The following GPR158 variants were observed in gnomAD, a reference collection of about 807,000 sequenced individuals.
GPR158 encodes metabotropic glycine receptor.
Under a neutral mutation model 78.2 loss-of-function variants are expected in GPR158, and 30 were observed. That is an observed-to-expected ratio of 0.38 (90% CI 0.29 to 0.52). The LOEUF is 0.52. Ranked by LOEUF, GPR158 falls within the 20% of genes least tolerant of loss-of-function variation. The probability of loss-of-function intolerance (pLI) is 0.83; values close to 1 mark genes in which losing one functional copy is unlikely to be tolerated. For missense variants in GPR158, 1,463 were observed against 1,523.5 expected (o/e 0.96, Z 0.66); for synonymous variants, 581 against 591.1 (o/e 0.98, Z 0.25).
chr10:25,278,611 TATTGTAAAAA>T (rs1464235737), intron 2 of GPR158, among the ~76,000 whole-genome samples: 1 of 151,998 alleles, frequency 6.6e-6, no homozygotes, highest in Non-Finnish European at 1.5e-5. Context: ...TACTGAGATG[TATTGTAAAAA>T]ATTGTAAAAT....
At position 25,597,924 on chromosome 10, in the gene GPR158, C is replaced by T; in HGVS notation, c.2298C>T (p.Ser766=). The change falls in exon 11 of 11, where the codon AGC becomes AGT. Residue 766 remains serine (S), a synonymous_variant. Coordinates refer to ENST00000376351, the MANE Select transcript of GPR158 (RefSeq NM_020752.3). ...RRITEIPETV[S]RQCSKEDKEG... ...TTACGGAGATCCCAGAGACAGTCAG[C>T]CGGCAGTGCTCTAAAGAGGACAAGG... The T allele has an allele frequency of 6.2e-7, 1 of 1,612,310 alleles. No individual in the cohort carries two copies. Among genetic ancestry groups the T allele is most frequent in the Non-Finnish European group, 8.5e-7 (1 of 1,179,104 alleles).
intron 2 of GPR158, among the ~76,000 whole-genome samples, chr10:25,360,640 C>G (rs1057302695): frequency 2.0e-5 from 3 of 152,066 alleles, no homozygotes; most frequent in Admixed American, 2.0e-4. Context: ...GGTACCAGTA[C>G]CACGCAGTTT....
Position 25,424,204 on chromosome 10 carries a change from C to T in GPR158, c.1335+11731C>T, listed in dbSNP as rs544907254. Reference sequence around the variant, plus strand: ...TCTTTTGAGAAGTGTCTGTTCATATCCTTTGCCCACTTTTTGATGGGGTTG... The same window carrying T: ...TCTTTTGAGAAGTGTCTGTTCATATTCTTTGCCCACTTTTTGATGGGGTTG... On this transcript the variant is annotated intron_variant, in intron 4 of 10. Coordinates refer to ENST00000376351, the MANE Select transcript of GPR158 (RefSeq NM_020752.3). Among the ~76,000 whole-genome samples, 1,342 of 152,196 alleles carry T rather than the reference C, an allele frequency of 8.8e-3. 24 individuals carry two copies. Among genetic ancestry groups the T allele is most frequent in the African/African-American group, 0.03 (1,265 of 41,516 alleles).
intron 2 of GPR158, among the ~76,000 whole-genome samples, chr10:25,275,148 GT>G (rs1854167180): frequency 6.6e-6 from 1 of 152,154 alleles, no homozygotes; most frequent in Non-Finnish European, 1.5e-5. Context: ...AGAAAGTTCA[GT>G]TCTGCAGGCA....
chr10:25,467,809 A>G (rs755855031), intron 5 of GPR158, among the ~76,000 whole-genome samples: 1 of 152,108 alleles, frequency 6.6e-6, no homozygotes, highest in Admixed American at 6.6e-5. Flanking sequence ...ACAGTTCTGC[A>G]TTGCTGATTT....
chr10:25,273,459 C>T (rs1854143994), intron 2 of GPR158, among the ~76,000 whole-genome samples: 1 of 145,282 alleles, frequency 6.9e-6, no homozygotes, highest in African/African-American at 2.6e-5. Flanking sequence ...GTTGTTTTCC[C>T]ATTATGTGTA....
At chr10:25,418,897 T>G (rs1834705671) in intron 4 of GPR158, among the ~76,000 whole-genome samples, 1 of 151,180 alleles carries the variant, frequency 6.6e-6, no homozygotes, top group Admixed American at 6.6e-5. Context: ...TAATCTTTCT[T>G]TTAAAAAAAT....
intron 4 of GPR158, among the ~76,000 whole-genome samples, chr10:25,453,745 A>G (rs1378096801): frequency 6.6e-6 from 1 of 152,152 alleles, no homozygotes; most frequent in Non-Finnish European, 1.5e-5. Context: ...CCATAAACAT[A>G]TAGATTTATT....
intron 4 of GPR158, chr10:25,466,312 C>T (rs1247842622): frequency 2.1e-5 from 4 of 191,480 alleles, no homozygotes; most frequent in African/African-American, 9.3e-5. Flanking sequence ...ACGAACCCTT[C>T]GATCGAGAAA....
intron 1 of GPR158, among the ~76,000 whole-genome samples, chr10:25,198,694 G>A (rs1852876270): frequency 6.6e-6 from 1 of 152,090 alleles, no homozygotes; most frequent in African/African-American, 2.4e-5. Context: ...TAGAATTTAA[G>A]AGGCAAAAAT....
chr10:25,223,506 A>C (rs1853330336), intron 2 of GPR158, among the ~76,000 whole-genome samples: 2 of 152,150 alleles, frequency 1.3e-5, no homozygotes, highest in Non-Finnish European at 2.9e-5. Flanking sequence ...CCACATCCTC[A>C]GTGTAGTTAC....
chr10:25,207,973 G>A (rs1346072836), intron 1 of GPR158, among the ~76,000 whole-genome samples: 1 of 152,104 alleles, frequency 6.6e-6, no homozygotes, highest in Non-Finnish European at 1.5e-5. Flanking sequence ...ACACAATTAT[G>A]TATTTTATGC....
chr10:25,590,432 C>T (rs117747803), intron 8 of GPR158, among the ~76,000 whole-genome samples: 11 of 152,198 alleles, frequency 7.2e-5, no homozygotes, highest in Non-Finnish European at 1.3e-4. Context: ...TTTTCAGCTA[C>T]TCAGACTGGA....
chr10:25,239,322 C>T (rs550819708), intron 2 of GPR158, among the ~76,000 whole-genome samples: 6 of 152,190 alleles, frequency 3.9e-5, no homozygotes, highest in African/African-American at 1.4e-4. Flanking sequence ...CAATAGGGGC[C>T]AGGCATGGTG....
intron 5 of GPR158, among the ~76,000 whole-genome samples, chr10:25,536,648 T>C (rs1395645931): frequency 1.3e-5 from 2 of 152,234 alleles, no homozygotes; most frequent in Non-Finnish European, 2.9e-5. Flanking sequence ...CTGCCAAATA[T>C]CTTAGCTGAT....
At chr10:25,480,720 G>A (rs1452262949) in intron 5 of GPR158, among the ~76,000 whole-genome samples, 1 of 152,064 alleles carries the variant, frequency 6.6e-6, no homozygotes, top group African/African-American at 2.4e-5. Context: ...ACCACATTTT[G>A]TTGATTCATC....
chr10:25,296,861 C>A (rs1241760669), intron 2 of GPR158, among the ~76,000 whole-genome samples: 1 of 152,096 alleles, frequency 6.6e-6, no homozygotes, highest in Non-Finnish European at 1.5e-5. Flanking sequence ...GAATCCACTG[C>A]CTCTCTATAA....
intron 2 of GPR158, chr10:25,393,918 A>G (rs953524123): frequency 2.0e-5 from 3 of 152,194 alleles, no homozygotes; most frequent in Non-Finnish European, 2.9e-5. Flanking sequence ...GGATTTATCT[A>G]TGATCTTTAT....
chr10:25,462,389 G>A (rs1835367987), intron 4 of GPR158, among the ~76,000 whole-genome samples: 1 of 152,190 alleles, frequency 6.6e-6, no homozygotes, highest in Non-Finnish European at 1.5e-5. Context: ...AGATATGCAA[G>A]GAGATTAATG....
Sources: gnomAD v4.1 joint callset for allele counts (sites outside exome capture counted in the v4.1 genomes callset) on GRCh38, gnomAD v4.1.1 for gene constraint, MANE v1.5 for transcripts, NCBI Gene and HGNC (gene_info 2026-07-23, HGNC 2026-07-21) for gene names.